PIK3C2A: variants seen among roughly 807,000 people sequenced by gnomAD.
PIK3C2A encodes the protein phosphatidylinositol-4-phosphate 3-kinase catalytic subunit type 2 alpha, also known as phosphatidylinositol 4-phosphate 3-kinase C2 domain-containing subunit alpha.
PIK3C2A carries 97 observed loss-of-function variants against 204.5 expected under a neutral mutation model. The ratio of observed to expected loss-of-function variants is 0.47; its 90% CI spans 0.40 to 0.56. The LOEUF (loss-of-function observed/expected upper bound fraction) is 0.56, where lower values mean the gene tolerates loss of function less well. Ranked by LOEUF, PIK3C2A falls within the 20% of genes least tolerant of loss-of-function variation. PIK3C2A has a pLI of 0.00. For synonymous variants in PIK3C2A, 653 were observed against 664.4 expected (o/e 0.98, Z 0.26); for missense variants, 1,735 against 1,969.2 (o/e 0.88, Z 2.25).
chr11:17,136,411 G>C (rs1849873786), intron 9 of PIK3C2A, 71 bp downstream of exon 9: 2 of 1,191,200 alleles, frequency 1.7e-6, no homozygotes, highest in Non-Finnish European at 1.2e-6. Context: ...TTTTGTCTAG[G>C]ATAAGGCAAA....
At chr11:17,163,262 C>T (rs761545073) in intron 2 of PIK3C2A, among the ~76,000 whole-genome samples, 49 of 152,244 alleles carry the variant, frequency 3.2e-4, no homozygotes, top group Non-Finnish European at 4.6e-4. Context: ...GCCGAGATCA[C>T]GCCACTGCAC....
chr11:17,126,986 A>G (rs1472510309), intron 13 of PIK3C2A, among the ~76,000 whole-genome samples: 3 of 152,218 alleles, frequency 2.0e-5, no homozygotes, highest in Admixed American at 6.5e-5. Flanking sequence ...AAAATTAATG[A>G]TAATGATGAA....
At position 17,089,487 on chromosome 11, in the gene PIK3C2A, G is replaced by C; in HGVS notation, c.*251C>G. 2.6e-6 allele frequency: 1 copy of C among 389,790 alleles called. No homozygotes were observed. The highest frequency in any genetic ancestry group is 4.6e-6 in the Non-Finnish European group (1 of 215,442). 24.1% of individuals were successfully genotyped at this position (389,790 alleles called of 1,614,324 possible). Reference sequence around the variant, plus strand: ...AGGAATTAGTATATATTAAGTTTAGGGTTTGTAGCATTCTACATAATGACT... The same window carrying C: ...AGGAATTAGTATATATTAAGTTTAGCGTTTGTAGCATTCTACATAATGACT... On this transcript the variant is annotated 3_prime_UTR_variant, in exon 33 of 33. Transcript: ENST00000691414.
intron 13 of PIK3C2A, among the ~76,000 whole-genome samples, chr11:17,124,762 C>T (rs1365049281): frequency 1.3e-5 from 2 of 152,226 alleles, no homozygotes; most frequent in African/African-American, 4.8e-5. Flanking sequence ...GCACCCTTTA[C>T]AGAAAAAGTT....
intron 11 of PIK3C2A, among the ~76,000 whole-genome samples, chr11:17,133,382 T>G (rs1312033160): frequency 6.6e-6 from 1 of 152,154 alleles, no homozygotes; most frequent in Non-Finnish European, 1.5e-5. Context: ...ACAGGTTTTT[T>G]GCCGCCTTGT....
rs201507095 is a variant in PIK3C2A, at chr11:17,091,321, G to T, written c.4878+13C>A. ...ATAAACCAAGGAAACTTCTAGAAAT[G>T]ATTTTAACTTACCATTTCATTGAAT... On this transcript the variant is annotated intron_variant, in intron 32 of 32. Coordinates refer to ENST00000691414, the MANE Select transcript of PIK3C2A (RefSeq NM_002645.4). 3.7e-6 allele frequency: 6 copies of T among 1,602,294 alleles called. No individual in the cohort carries two copies. The Admixed American group carries it at 1.1e-4, about 28-fold the overall frequency.
intron 1 of PIK3C2A, among the ~76,000 whole-genome samples, chr11:17,191,719 T>C (rs973912028): frequency 1.3e-5 from 2 of 152,142 alleles, no homozygotes; most frequent in Non-Finnish European, 2.9e-5. Context: ...AGACTTGCAG[T>C]TGGTGTCAGA....
chr11:17,146,082 TA>T (rs1265009586), intron 6 of PIK3C2A, 140 bp from the exon 7 acceptor site: 2 of 606,384 alleles, frequency 3.3e-6, no homozygotes, highest in African/African-American at 3.7e-5. Flanking sequence ...CTATCAGAAT[TA>T]AATATTATTT....
chr11:17,100,169 G>A (rs1402738605), intron 25 of PIK3C2A, among the ~76,000 whole-genome samples, 200 bp from the exon 26 acceptor site: 2 of 147,568 alleles, frequency 1.4e-5, no homozygotes, highest in Non-Finnish European at 3.0e-5. Context: ...GCAATTTGTT[G>A]GTGGTGGTCA....
intron 11 of PIK3C2A, among the ~76,000 whole-genome samples, chr11:17,133,938 A>G (rs1849785226): frequency 6.6e-6 from 1 of 152,066 alleles, no homozygotes; most frequent in South Asian, 2.1e-4. Context: ...AAAAAAAAAA[A>G]TAATAATAAT....
Position 17,092,008 on chromosome 11 carries a change from C to T in PIK3C2A, c.4630G>A (p.Ala1544Thr), listed in dbSNP as rs199735305. The change falls in exon 30 of 33, where the codon GCT becomes ACT. Residue 1544 changes from alanine to threonine, a missense_variant. Physicochemically the swap from Ala to Thr is moderately conservative, Grantham distance 58. This residue lies in a region of PIK3C2A where 503 missense variants were observed against 669.0 expected (regional missense o/e 0.75). Coordinates refer to ENST00000691414, the MANE Select transcript of PIK3C2A (RefSeq NM_002645.4). The part of the protein sequence containing the change: ...LLRDEKAEGI[A>T]RSADAGSFSP... ...AAAATAATCTCACCTGCAGACCTAG[C>T]TATCCCTTCAGCTTTCTCATCACGA... 6.2e-7 allele frequency: 1 copy of T among 1,605,848 alleles called. No individual in the cohort carries two copies. Among genetic ancestry groups the T allele is most frequent in the Admixed American group, 1.7e-5 (1 of 60,012 alleles).
intron 23 of PIK3C2A, 120 bp from the exon 24 acceptor site, chr11:17,102,951 A>T: frequency 1.6e-6 from 1 of 628,372 alleles, no homozygotes; most frequent in Non-Finnish European, 2.7e-6. Context: ...CTCTCTCAAT[A>T]GCATACAAAC....
intron 10 of PIK3C2A, 38 bp from the exon 11 acceptor site, chr11:17,135,067 A>G (rs1348117378): frequency 6.2e-7 from 1 of 1,612,302 alleles, no homozygotes; most frequent in Non-Finnish European, 8.5e-7. Context: ...GATTCTCTGA[A>G]AAGGCGATGA....
Position 17,148,790 on chromosome 11 carries a change from G to A in PIK3C2A, c.1328-3C>T. ...AATGATTTCTACAGTAGAACTCACT[G>A]TAAAAGAGTTAGTCATTATTTTCAC... On this transcript the variant is annotated splice_region_variant and splice_polypyrimidine_tract_variant and intron_variant, in intron 4 of 32. Transcript: ENST00000691414. 1 of 1,605,468 alleles carries A rather than the reference G, an allele frequency of 6.2e-7. No individual in the cohort carries two copies. Among genetic ancestry groups the A allele is most frequent in the Non-Finnish European group, 8.5e-7 (1 of 1,174,320 alleles).
chr11:17,142,960 GA>G (rs1850114713), intron 8 of PIK3C2A, among the ~76,000 whole-genome samples: 1 of 151,214 alleles, frequency 6.6e-6, no homozygotes, highest in South Asian at 2.1e-4. Context: ...GCGGGGTGGG[GA>G]TTTTTTTTTT....
At chr11:17,136,751 A>G (rs1328803307) in intron 8 of PIK3C2A, 126 bp from the exon 9 acceptor site, 4 of 525,272 alleles carry the variant, frequency 7.6e-6, no homozygotes, top group African/African-American at 5.9e-5. Flanking sequence ...TTGTGATGAC[A>G]AAGAAAAAAC....
chr11:17,116,143 G>C (rs1295117851), intron 19 of PIK3C2A, among the ~76,000 whole-genome samples: 4 of 152,160 alleles, frequency 2.6e-5, no homozygotes, highest in Non-Finnish European at 5.9e-5. Context: ...TTTGCAAATA[G>C]TGTATGTGAT....
intron 1 of PIK3C2A, among the ~76,000 whole-genome samples, chr11:17,201,584 C>G (rs1026302009): frequency 6.7e-6 from 1 of 149,634 alleles, no homozygotes; most frequent in African/African-American, 2.5e-5. Flanking sequence ...CCTAAACCTA[C>G]GTTTTATGTT....
intron 18 of PIK3C2A, among the ~76,000 whole-genome samples, chr11:17,118,162 C>T (rs1434241704): frequency 6.6e-6 from 1 of 151,452 alleles, no homozygotes; most frequent in Admixed American, 6.6e-5. Context: ...ACCTCCACCT[C>T]CCAGGCTCGA....
Sources: gnomAD v4.1 joint callset for allele counts (sites outside exome capture counted in the v4.1 genomes callset) on GRCh38, gnomAD v4.1.1 for gene constraint, gnomAD v4.1.1 regional missense constraint, MANE v1.5 for transcripts, NCBI Gene and HGNC (gene_info 2026-07-23, HGNC 2026-07-21) for gene names.